The following CCDC61 variants were observed in gnomAD, a reference collection of about 807,000 sequenced individuals.
The protein encoded by CCDC61 is coiled-coil domain containing 61.
Under a neutral mutation model 63.0 loss-of-function variants are expected in CCDC61, and 55 were observed. The observed-to-expected ratio is 0.87, with a 90% CI of 0.70 to 1.09. CCDC61 has a LOEUF of 1.09. Ranked by LOEUF, CCDC61 falls within the 50% of genes least tolerant of loss-of-function variation. The pLI is 0.00. For missense variants in CCDC61, 651 were observed against 731.4 expected (o/e 0.89, Z 1.27); for synonymous variants, 270 against 317.0 (o/e 0.85, Z 1.58).
chr19:46,015,458 G>T lies in CCDC61; in HGVS notation c.845+31G>T. 1 of 1,581,792 alleles carries T rather than the reference G, an allele frequency of 6.3e-7. No homozygotes were observed. Among genetic ancestry groups the T allele is most frequent in the Non-Finnish European group, 8.5e-7 (1 of 1,170,116 alleles). On this transcript the variant is annotated intron_variant, in intron 7 of 13. Coordinates refer to ENST00000595358, the MANE Select transcript of CCDC61 (RefSeq NM_001267723.2). The surrounding 1 kb of genome is among the most constrained non-coding windows in gnomAD (Gnocchi z 5.3). Reference sequence around the variant, plus strand: ...AGCGAGGCCTGCCAGGCGCCTGGGCGGATGGGCGGGCCCTGAGGGTGTGGA... The same window carrying T: ...AGCGAGGCCTGCCAGGCGCCTGGGCTGATGGGCGGGCCCTGAGGGTGTGGA...
At chr19:46,008,061 TG>T (rs1968746475) in intron 4 of CCDC61, 78 bp from the exon 5 acceptor site, 1 of 1,428,952 alleles carries the variant, frequency 7.0e-7, no homozygotes, top group East Asian at 2.5e-5. Flanking sequence ...TCGTACTCTG[TG>T]GCTCTCAGAG....
rs935283800 is a variant in CCDC61, at chr19:46,015,056, C to T, written c.559C>T (p.Arg187Cys). ...EIWHLREQVS[R>C]LASEKRELEA... ...TCTCCGCGTCTTCCCCAGGGTGTCG[C>T]GCCTGGCGTCCGAGAAGCGGGAGCT... The change falls in exon 6 of 14, where the codon CGC (arginine) becomes TGC (cysteine). Residue 187 changes from arginine (R) to cysteine (C), a missense_variant. Transcript: ENST00000595358. The surrounding 1 kb of genome is among the most constrained non-coding windows in gnomAD (Gnocchi z 5.3). 6 of 1,473,656 alleles carry T rather than the reference C, an allele frequency of 4.1e-6. No individual in the cohort carries two copies. Among genetic ancestry groups the T allele is most frequent in the Admixed American group, 4.6e-5 (2 of 43,638 alleles). 91.3% of individuals were successfully genotyped at this position (1,473,656 alleles called of 1,614,324 possible).
In CCDC61 at chr19:46,016,660, C is replaced by G; in HGVS notation, c.1092-34C>G. The G allele has an allele frequency of 6.2e-7, 1 of 1,609,136 alleles. No individual in the cohort carries two copies. Among genetic ancestry groups the G allele is most frequent in the Non-Finnish European group, 8.5e-7 (1 of 1,178,104 alleles). On this transcript the variant is annotated intron_variant, in intron 9 of 13. Coordinates refer to ENST00000595358, the MANE Select transcript of CCDC61 (RefSeq NM_001267723.2). The surrounding 1 kb of genome is among the most constrained non-coding windows in gnomAD (Gnocchi z 7.2). Reference sequence around the variant, plus strand: ...GACCCCCTTGCCTGCAGGAGTTGGGCGTACAGACCGGCGTCTCCTTTCTTT... The same window carrying G: ...GACCCCCTTGCCTGCAGGAGTTGGGGGTACAGACCGGCGTCTCCTTTCTTT...
chr19:46,016,474 C>T lies in CCDC61; in HGVS notation c.1091+81C>T, dbSNP rs933749459. On this transcript the variant is annotated intron_variant, in intron 9 of 13. Coordinates refer to ENST00000595358, the MANE Select transcript of CCDC61 (RefSeq NM_001267723.2). The surrounding 1 kb of genome is among the most constrained non-coding windows in gnomAD (Gnocchi z 7.2). ...GGCTCTCATCTCTCCACGCCACCAT[C>T]AGTCTCCATCCCCTGCCACCTGCTC... 6.6e-7 allele frequency: 1 copy of T among 1,520,196 alleles called. No homozygotes were observed. The highest frequency in any genetic ancestry group is 1.4e-5 in the African/African-American group (1 of 73,114). 94.2% of individuals were successfully genotyped at this position (1,520,196 alleles called of 1,614,324 possible). A position where few individuals can be genotyped will look rare whatever the true frequency, so the allele number is the denominator to read the frequency against.
chr19:46,008,808 G>A (rs1968768626), intron 5 of CCDC61, among the ~76,000 whole-genome samples: 1 of 152,312 alleles, frequency 6.6e-6, no homozygotes, highest in South Asian at 2.1e-4. Context: ...TGAGTCCAGG[G>A]AGGGAGGCAG....
At position 46,008,123 on chromosome 19, in the gene CCDC61, T is replaced by C; in HGVS notation, c.390-17T>C. 1 of 1,593,272 alleles carries C rather than the reference T, an allele frequency of 6.3e-7. No homozygotes were observed. On this transcript the variant is annotated splice_polypyrimidine_tract_variant and intron_variant, in intron 4 of 13. Transcript: ENST00000595358. ...CTTGGCCTCTGAGATGCCACGGTTT[T>C]AATCCTCCCTCCTCAGGATTCACTA...
At chr19:46,005,900 A>G (rs1044523075) in intron 3 of CCDC61, among the ~76,000 whole-genome samples, 30 of 152,086 alleles carry the variant, frequency 2.0e-4, no homozygotes, top group African/African-American at 6.8e-4. Context: ...TTTGGCGTGC[A>G]CAGAAGTACT....
intron 5 of CCDC61, among the ~76,000 whole-genome samples, chr19:46,014,487 A>T (rs1244176835): frequency 6.6e-6 from 1 of 152,216 alleles, no homozygotes; most frequent in Non-Finnish European, 1.5e-5. Context: ...AATTGAGTAG[A>T]TGTATTAGAA....
chr19:46,016,770 C>T lies in CCDC61; in HGVS notation c.1168C>T (p.Pro390Ser), dbSNP rs1479724622. The T allele has an allele frequency of 1.3e-6, 2 of 1,562,748 alleles. No individual in the cohort carries two copies. Among genetic ancestry groups the T allele is most frequent in the Admixed American group, 1.9e-5 (1 of 51,918 alleles). ...CGTCTCCTGGTCTCGCCAGACCCAG[C>T]CCCCTGCTGCCTTGACTGGCCGAGG... is the stretch of plus-strand genomic sequence containing the variant. ...PSVSWSRQTQ[P>S]PAALTGRGDA... The change falls in exon 10 of 14, where the codon CCC becomes TCC. Residue 390 changes from proline to serine, a missense_variant. Physicochemically the swap from Pro to Ser is moderately conservative, Grantham distance 74 (BLOSUM62 -1). Coordinates refer to ENST00000595358, the MANE Select transcript of CCDC61 (RefSeq NM_001267723.2). The surrounding 1 kb of genome is among the most constrained non-coding windows in gnomAD (Gnocchi z 7.2).
At chr19:46,004,195 C>G (rs549903861) in intron 3 of CCDC61, among the ~76,000 whole-genome samples, 3 of 152,184 alleles carry the variant, frequency 2.0e-5, no homozygotes, top group Non-Finnish European at 4.4e-5. Context: ...CCGCCTCTGC[C>G]TCCCAGAGTG....
chr19:46,012,905 G>A (rs1228042404), intron 5 of CCDC61, among the ~76,000 whole-genome samples: 1 of 150,336 alleles, frequency 6.7e-6, no homozygotes, highest in African/African-American at 2.5e-5. Context: ...AGGCTAGAGT[G>A]CAGTAGTGCA....
Position 46,016,539 on chromosome 19 carries a change from G to C in CCDC61, c.1091+146G>C, listed in dbSNP as rs1317257533. 1 of 1,380,506 alleles carries C rather than the reference G, an allele frequency of 7.2e-7. No homozygotes were observed. The highest frequency in any genetic ancestry group is 1.0e-6 in the Non-Finnish European group (1 of 1,002,954). 85.5% of individuals were successfully genotyped at this position (1,380,506 alleles called of 1,614,324 possible). A position where few individuals can be genotyped will look rare whatever the true frequency, so the allele number is the denominator to read the frequency against. ...ACCCCGCCTGCTCTCCCTTCCGTCCGTCCTACCTCCTCGTCTGTGTTTCTG... is the reference window on the plus strand; with the variant it reads ...ACCCCGCCTGCTCTCCCTTCCGTCCCTCCTACCTCCTCGTCTGTGTTTCTG... On this transcript the variant is annotated intron_variant, in intron 9 of 13. Transcript: ENST00000595358. The surrounding 1 kb of genome is among the most constrained non-coding windows in gnomAD (Gnocchi z 7.2).
At position 46,016,389 on chromosome 19, in the gene CCDC61, A is replaced by C. The variant is rs1221348166; in HGVS notation, c.1087A>C (p.Met363Leu). The C allele has an allele frequency of 1.2e-5, 20 of 1,613,620 alleles. No individual in the cohort carries two copies. The highest frequency in any genetic ancestry group is 1.5e-5 in the Non-Finnish European group (18 of 1,179,856). ...GGAAAGGAAGCAGAGAGAGATCCAGATGAAGTCAGTGCCCCTTCCTCCCTC... is the reference window on the plus strand; with the variant it reads ...GGAAAGGAAGCAGAGAGAGATCCAGCTGAAGTCAGTGCCCCTTCCTCCCTC... ...AKERKQREIQMKQQQRNRLGS... is the reference protein window; with the variant it reads ...AKERKQREIQLKQQQRNRLGS... The change falls in exon 9 of 14, where the codon ATG becomes CTG. Residue 363 changes from methionine to leucine, a missense_variant. Transcript: ENST00000595358. This position sits in a 1 kb window ranked among gnomAD's most constrained non-coding sequence, Gnocchi z 7.2.
Position 46,003,031 on chromosome 19 carries a change from G to A in CCDC61, c.13G>A (p.Ala5Thr), listed in dbSNP as rs933257309. ...AGCAACCTTGGCCATGGACCAGCCG[G>A]CTGGCCTGCAGGTGGACTACGTCTT... is the stretch of plus-strand genomic sequence containing the variant. MDQP[A>T]GLQVDYVFRG... The change falls in exon 2 of 14, where the codon GCT becomes ACT. Residue 5 changes from alanine to threonine, a missense_variant. Coordinates refer to ENST00000595358, the MANE Select transcript of CCDC61 (RefSeq NM_001267723.2). 6 of 1,567,666 alleles carry A rather than the reference G, an allele frequency of 3.8e-6. No homozygotes were observed. The East Asian group carries it at 7.1e-5, about 19-fold the overall frequency.
intron 1 of CCDC61, among the ~76,000 whole-genome samples, chr19:45,999,438 G>A (rs939003003): frequency 2.0e-5 from 3 of 152,148 alleles, no homozygotes; most frequent in African/African-American, 4.8e-5. Flanking sequence ...GGGGCGGAGG[G>A]CTGCTGCAGG....
In CCDC61 at chr19:46,016,111, C is replaced by T; in HGVS notation, c.903C>T (p.Ser301=). 8.1e-7 allele frequency: 1 copy of T among 1,228,126 alleles called. No homozygotes were observed. The highest frequency in any genetic ancestry group is 1.0e-6 in the Non-Finnish European group (1 of 995,090). 76.1% of individuals were successfully genotyped at this position (1,228,126 alleles called of 1,614,324 possible). A position where few individuals can be genotyped will look rare whatever the true frequency, so the allele number is the denominator to read the frequency against. The change falls in exon 8 of 14, where the codon TCC becomes TCT. Residue 301 remains serine, a synonymous_variant. Coordinates refer to ENST00000595358, the MANE Select transcript of CCDC61 (RefSeq NM_001267723.2). The surrounding 1 kb of genome is among the most constrained non-coding windows in gnomAD (Gnocchi z 7.2). The part of the protein sequence containing the change: ...PPTREDRASS[S]RERSASRGRG... ...CGCGGGAGGACCGGGCCTCATCGTCCCGGGAGCGCTCCGCGTCGCGAGGCC... is the reference window on the plus strand; with the variant it reads ...CGCGGGAGGACCGGGCCTCATCGTCTCGGGAGCGCTCCGCGTCGCGAGGCC...
intron 3 of CCDC61, among the ~76,000 whole-genome samples, chr19:46,004,865 A>G (rs1968670967): frequency 8.7e-6 from 1 of 115,286 alleles, no homozygotes; most frequent in Non-Finnish European, 1.7e-5. Context: ...TTTTTTTGAG[A>G]CAAGAGTTTT....
At chr19:45,997,388 GATT>G (rs985150177) in intron 1 of CCDC61, among the ~76,000 whole-genome samples, 22 of 151,584 alleles carry the variant, frequency 1.5e-4, no homozygotes, top group Admixed American at 1.0e-3. Context: ...ACCTGATATA[GATT>G]ATTATTATTA....
Position 46,016,987 on chromosome 19 carries a change from C to T in CCDC61, c.1232-4C>T, listed in dbSNP as rs1034992200. The T allele has an allele frequency of 1.2e-6, 2 of 1,610,358 alleles. No individual in the cohort carries two copies. The highest frequency in any genetic ancestry group is 1.7e-6 in the Non-Finnish European group (2 of 1,178,472). Reference sequence around the variant, plus strand: ...CAGCGGTCACGCCCTCCGTCTCCCTCTAGTGGACAGTTTCCGCAGCCGCTG... The same window carrying T: ...CAGCGGTCACGCCCTCCGTCTCCCTTTAGTGGACAGTTTCCGCAGCCGCTG... On this transcript the variant is annotated splice_region_variant and splice_polypyrimidine_tract_variant and intron_variant, in intron 10 of 13. Transcript: ENST00000595358. This position sits in a 1 kb window ranked among gnomAD's most constrained non-coding sequence, Gnocchi z 7.2.
Sources: gnomAD v4.1 joint callset for allele counts (sites outside exome capture counted in the v4.1 genomes callset) on GRCh38, gnomAD v4.1.1 for gene constraint, Gnocchi (gnomAD v3.1) non-coding constraint, MANE v1.5 for transcripts, NCBI Gene and HGNC (gene_info 2026-07-23, HGNC 2026-07-21) for gene names.